Variants in ARHGAP6 observed in about 807,000 individuals in gnomAD.
ARHGAP6 encodes Rho GTPase activating protein 6, also known as rho GTPase-activating protein 6.
A neutral mutation model predicts 55.7 loss-of-function variants in ARHGAP6; 16 were observed. That is an observed-to-expected ratio of 0.29 (90% confidence interval 0.19 to 0.44). The LOEUF (loss-of-function observed/expected upper bound fraction) is 0.44. Among genes scored for constraint, ARHGAP6 ranks in the 20% least tolerant of loss-of-function variants. The pLI is 1.00. For synonymous variants in ARHGAP6, 382 were observed against 360.9 expected, an observed-to-expected ratio of 1.06 and a Z score of -0.66; for missense variants, 698 against 808.9, an observed-to-expected ratio of 0.86 and a Z score of 1.66.
At chrX:11,229,393 C>T (rs2047096629) in intron 2 of ARHGAP6, among the ~76,000 whole-genome samples, 1 of 112,106 alleles carries the variant, frequency 8.9e-6, no homozygotes, top group African/African-American at 3.2e-5. Context: ...TTTGGTCCAC[C>T]ATTCAATGAT....
chrX:11,445,685 T>C (rs60514383), intron 1 of ARHGAP6, among the ~76,000 whole-genome samples: 10,423 of 111,261 alleles, frequency 0.094, 554 homozygotes, highest in East Asian at 0.18. Flanking sequence ...CCAGAGGACA[T>C]TGGGCAATGT....
chrX:11,191,176 G>A lies in ARHGAP6; in HGVS notation c.821-2192C>T, dbSNP rs182837919. On this transcript the variant is annotated intron_variant, in intron 3 of 12. Transcript: ENST00000337414. ...TTTAGGCTTTGTGGATACGGCTGGG[G>A]CTTAGAATGGCTAGGATGCAAAATG... Among the ~76,000 whole-genome samples the A allele has an allele frequency of 4.4e-5, 5 of 112,730 alleles. No homozygotes were observed. The East Asian group carries it at 1.4e-3, about 31-fold the overall frequency.
At chrX:11,438,215 C>A (rs1311348974) in intron 1 of ARHGAP6, among the ~76,000 whole-genome samples, 1 of 112,374 alleles carries the variant, frequency 8.9e-6, no homozygotes, top group Non-Finnish European at 1.9e-5. Context: ...TAATATTACT[C>A]CAAAATAGCA....
chrX:11,653,843 C>T (rs1422435725), intron 1 of ARHGAP6, among the ~76,000 whole-genome samples: 1 of 112,002 alleles, frequency 8.9e-6, no homozygotes, highest in Admixed American at 9.5e-5. Flanking sequence ...CTGCCTACCT[C>T]TGAATCTGAG....
At chrX:11,428,339 G>A (rs752551978) in intron 1 of ARHGAP6, among the ~76,000 whole-genome samples, 99 of 111,695 alleles carry the variant, frequency 8.9e-4, no homozygotes, top group Middle Eastern at 4.6e-3. Flanking sequence ...GGTCACTTAG[G>A]GTGACCCGAG....
intron 1 of ARHGAP6, among the ~76,000 whole-genome samples, chrX:11,576,966 G>GTGTA (rs753544851): frequency 3.6e-5 from 4 of 111,453 alleles, no homozygotes; most frequent in Non-Finnish European, 5.7e-5. Flanking sequence ...AAAGCCAGCA[G>GTGTA]TGTATCATCT....
intron 1 of ARHGAP6, among the ~76,000 whole-genome samples, chrX:11,603,983 C>G (rs920204895): frequency 1.8e-5 from 2 of 112,009 alleles, no homozygotes; most frequent in Non-Finnish European, 3.8e-5. Context: ...AGACTGCAGT[C>G]AGTTTGGTTT....
At chrX:11,576,484 G>C (rs1229055279) in intron 1 of ARHGAP6, among the ~76,000 whole-genome samples, 1 of 111,810 alleles carries the variant, frequency 8.9e-6, no homozygotes. Context: ...TCTATGCAGG[G>C]AAGGGCTGAG....
intron 2 of ARHGAP6, among the ~76,000 whole-genome samples, chrX:11,212,977 C>T (rs1390164920): frequency 8.9e-6 from 1 of 112,625 alleles, no homozygotes; most frequent in Admixed American, 9.3e-5. Context: ...CCGTGTGGGG[C>T]CACGCCCCCT....
At chrX:11,432,058 C>G (rs2049945185) in intron 1 of ARHGAP6, among the ~76,000 whole-genome samples, 1 of 112,405 alleles carries the variant, frequency 8.9e-6, no homozygotes. Context: ...AAAGATGACT[C>G]TAGATATTGC....
chrX:11,476,051 A>G (rs1401570016), intron 1 of ARHGAP6, among the ~76,000 whole-genome samples: 1 of 111,236 alleles, frequency 9.0e-6, no homozygotes, highest in Non-Finnish European at 1.9e-5. Flanking sequence ...GGCAATCAAA[A>G]GATATAAAGG....
At chrX:11,553,933 T>C (rs1366246345) in intron 1 of ARHGAP6, among the ~76,000 whole-genome samples, 1 of 111,860 alleles carries the variant, frequency 8.9e-6, no homozygotes, top group Admixed American at 9.5e-5. Flanking sequence ...TTCAAGGGCA[T>C]TGAGTAGGCA....
intron 1 of ARHGAP6, among the ~76,000 whole-genome samples, chrX:11,370,174 A>C (rs1324283457): frequency 8.9e-6 from 1 of 112,133 alleles, no homozygotes; most frequent in African/African-American, 3.2e-5. Flanking sequence ...TAATAGACCA[A>C]CTCATCAACC....
chrX:11,196,056 C>A (rs1289934466), intron 3 of ARHGAP6, among the ~76,000 whole-genome samples: 1 of 104,277 alleles, frequency 9.6e-6, no homozygotes, highest in Non-Finnish European at 1.9e-5. Flanking sequence ...ATGGCATGAA[C>A]CTGGAAGGTG....
chrX:11,532,224 C>G (rs761073814), intron 1 of ARHGAP6, among the ~76,000 whole-genome samples: 13 of 112,149 alleles, frequency 1.2e-4, no homozygotes, highest in Middle Eastern at 4.6e-3. Context: ...ACATACGTAC[C>G]GAGTTTAAAG....
chrX:11,294,483 G>A (rs1020534984), intron 1 of ARHGAP6, among the ~76,000 whole-genome samples: 5 of 111,772 alleles, frequency 4.5e-5, no homozygotes, highest in Admixed American at 9.5e-5. Context: ...ACTAAGGGCT[G>A]TATAGGCATA....
At chrX:11,347,480 T>G (rs921194177) in intron 1 of ARHGAP6, among the ~76,000 whole-genome samples, 1 of 112,146 alleles carries the variant, frequency 8.9e-6, no homozygotes, top group African/African-American at 3.2e-5. Context: ...GAAAAGAGTA[T>G]GTAATAAAAC....
intron 9 of ARHGAP6, among the ~76,000 whole-genome samples, chrX:11,164,849 T>A (rs1466219195): frequency 1.8e-5 from 2 of 112,797 alleles, no homozygotes; most frequent in African/African-American, 3.2e-5. Flanking sequence ...AAGTTCTTAC[T>A]AATCCCAAGA....
intron 1 of ARHGAP6, among the ~76,000 whole-genome samples, chrX:11,605,491 A>T (rs1214324771): frequency 9.0e-6 from 1 of 111,463 alleles, no homozygotes; most frequent in African/African-American, 3.3e-5. Flanking sequence ...GTGGCAGCTA[A>T]CTAGTCTGTG....
Sources: allele counts gnomAD v4.1 joint callset (sites outside exome capture counted in the v4.1 genomes callset), GRCh38; gene constraint gnomAD v4.1.1; transcripts MANE v1.5; gene names NCBI Gene and HGNC (gene_info 2026-07-23, HGNC 2026-07-21).